TRAK1: variants seen among roughly 807,000 people sequenced by gnomAD.
The protein encoded by TRAK1 is trafficking kinesin-binding protein 1.
Under a neutral mutation model 92.1 loss-of-function variants are expected in TRAK1, and 33 were observed. That is an observed-to-expected ratio of 0.36 (90% CI 0.27 to 0.48). TRAK1 has a LOEUF of 0.48. TRAK1 is among the 20% of genes least tolerant of loss of function. TRAK1 has a pLI of 0.99. For synonymous variants in TRAK1, 521 were observed against 517.3 expected (o/e 1.01, Z -0.10); for missense variants, 1,123 against 1,257.9 (o/e 0.89, Z 1.62).
chr3:42,200,757 G>A (rs1707409444), intron 11 of TRAK1, 61 bp from the exon 12 acceptor site: 1 of 1,562,422 alleles, frequency 6.4e-7, no homozygotes, highest in East Asian at 2.2e-5. Flanking sequence ...ATTTTTGGAG[G>A]GTTAAACTCC....
chr3:42,123,036 G>A (rs562748617), intron 1 of TRAK1, among the ~76,000 whole-genome samples: 2 of 152,218 alleles, frequency 1.3e-5, no homozygotes, highest in East Asian at 3.9e-4. Flanking sequence ...GACTTCCTGA[G>A]TGGAAATGCT....
At chr3:42,047,395 G>C (rs1702797802) in intron 1 of TRAK1, among the ~76,000 whole-genome samples, 1 of 151,170 alleles carries the variant, frequency 6.6e-6, no homozygotes, top group Non-Finnish European at 1.5e-5. Context: ...TGTAGAGATG[G>C]GGTCTTGCTT....
At chr3:42,126,031 A>G (rs1297722258) in intron 2 of TRAK1, among the ~76,000 whole-genome samples, 1 of 151,808 alleles carries the variant, frequency 6.6e-6, no homozygotes, top group African/African-American at 2.4e-5. Flanking sequence ...TTGTATTTTT[A>G]GTAGAGACAG....
At chr3:42,159,237 A>C (rs555775432) in intron 2 of TRAK1, among the ~76,000 whole-genome samples, 21 of 152,302 alleles carry the variant, frequency 1.4e-4, no homozygotes, top group African/African-American at 5.1e-4. Context: ...GCCCCTGCTA[A>C]AATCTCTCTT....
intron 6 of TRAK1, among the ~76,000 whole-genome samples, chr3:42,189,811 G>A (rs1034124882): frequency 1.3e-5 from 2 of 152,186 alleles, no homozygotes; most frequent in Non-Finnish European, 2.9e-5. Flanking sequence ...GGTTACAGGC[G>A]TGAGCCACCG....
chr3:42,139,778 C>T lies in TRAK1; in HGVS notation c.286+14164C>T, dbSNP rs185888821. ...CAGCATATCTAAGACAAAGCTGGAACGGACTCAGGTGGGAAATTGACATGA... is the reference window on the plus strand; with the variant it reads ...CAGCATATCTAAGACAAAGCTGGAATGGACTCAGGTGGGAAATTGACATGA... On this transcript the variant is annotated intron_variant, in intron 2 of 15. Transcript: ENST00000327628. Among the ~76,000 whole-genome samples, 132 of 152,218 alleles carry T rather than the reference C, an allele frequency of 8.7e-4. 1 individual carries two copies. In the South Asian group the frequency reaches 0.011, roughly 12 times the overall value.
chr3:42,194,300 A>T (rs1706267892), intron 9 of TRAK1, among the ~76,000 whole-genome samples: 1 of 152,112 alleles, frequency 6.6e-6, no homozygotes. Context: ...GCTGGAGTAC[A>T]GTGGCATGAG....
At chr3:42,015,617 A>G (rs1202090833) in intron 1 of TRAK1, among the ~76,000 whole-genome samples, 1 of 152,198 alleles carries the variant, frequency 6.6e-6, no homozygotes, top group Non-Finnish European at 1.5e-5. Context: ...GAGCGTTTTC[A>G]GGTCTCCTTC....
At chr3:42,118,547 G>T (rs1362872288) in intron 1 of TRAK1, among the ~76,000 whole-genome samples, 1 of 152,238 alleles carries the variant, frequency 6.6e-6, no homozygotes, top group Non-Finnish European at 1.5e-5. Context: ...TCCCTAGACG[G>T]AGGAGTCTCC....
At chr3:42,092,856 G>A (rs1236097996) in intron 1 of TRAK1, among the ~76,000 whole-genome samples, 1 of 152,102 alleles carries the variant, frequency 6.6e-6, no homozygotes, top group Non-Finnish European at 1.5e-5. Flanking sequence ...AAAGTGCTGG[G>A]ATTACAGGCG....
chr3:42,067,102 C>T (rs906856646), intron 1 of TRAK1, among the ~76,000 whole-genome samples: 12 of 152,166 alleles, frequency 7.9e-5, no homozygotes, highest in African/African-American at 1.7e-4. Context: ...GTTAGTGCTT[C>T]GTAGAGAATT....
intron 2 of TRAK1, among the ~76,000 whole-genome samples, chr3:42,148,252 G>A (rs940287973): frequency 2.6e-5 from 4 of 152,100 alleles, no homozygotes; most frequent in African/African-American, 9.7e-5. Context: ...GCGTTTAGTG[G>A]GTAGGCACCA....
intron 15 of TRAK1, among the ~76,000 whole-genome samples, chr3:42,221,559 TC>T (rs1486250508): frequency 6.6e-6 from 1 of 152,090 alleles, no homozygotes; most frequent in Non-Finnish European, 1.5e-5. Flanking sequence ...TCCCATTCCC[TC>T]CTTTGGTGCC....
At chr3:42,089,680 C>CCCG (rs1553711853), upstream of TRAK1, among the ~76,000 whole-genome samples, 1 of 150,140 alleles carries the variant, frequency 6.7e-6, no homozygotes, top group Non-Finnish European at 1.5e-5. Context: ...TTGTGACCCC[C>CCCG]CCCCAATACA....
chr3:42,189,268 C>G lies in TRAK1; in HGVS notation c.690+144C>G, dbSNP rs994556363. On this transcript the variant is annotated intron_variant, in intron 6 of 15. Coordinates refer to ENST00000327628, the MANE Select transcript of TRAK1 (RefSeq NM_001042646.3). ...TACCAGGCGCTCGGCAGATGTGCCTCCTCTATGCTCTGGGCACTGCCTTCC... is the reference window on the plus strand; with the variant it reads ...TACCAGGCGCTCGGCAGATGTGCCTGCTCTATGCTCTGGGCACTGCCTTCC... 4 of 635,856 alleles carry G rather than the reference C, an allele frequency of 6.3e-6. No individual in the cohort carries two copies. The African/African-American group carries it at 7.3e-5, about 12-fold the overall frequency. 39.4% of individuals were successfully genotyped at this position (635,856 alleles called of 1,614,324 possible). A position where few individuals can be genotyped will look rare whatever the true frequency, so the allele number is the denominator to read the frequency against.
At chr3:42,019,318 TG>T (rs1701647757) in intron 1 of TRAK1, among the ~76,000 whole-genome samples, 1 of 152,184 alleles carries the variant, frequency 6.6e-6, no homozygotes, top group Non-Finnish European at 1.5e-5. Flanking sequence ...CTCTGTTGCC[TG>T]GGCTGAAGTG....
intron 1 of TRAK1, among the ~76,000 whole-genome samples, chr3:42,109,557 ATGAC>A (rs997825832): frequency 3.3e-5 from 5 of 152,240 alleles, no homozygotes; most frequent in South Asian, 2.1e-4. Context: ...TATAAGGAAA[ATGAC>A]TGATCGCTTT....
intron 14 of TRAK1, chr3:42,211,412 A>G (rs757569665): frequency 3.8e-5 from 37 of 985,178 alleles, no homozygotes; most frequent in Middle Eastern, 5.2e-4. Context: ...CTTGTGAGGG[A>G]ATGAAAATGT....
intron 1 of TRAK1, among the ~76,000 whole-genome samples, chr3:42,072,380 G>C (rs1055389507): frequency 3.4e-5 from 5 of 145,826 alleles, no homozygotes; most frequent in Admixed American, 1.3e-4. Context: ...AGCTCTGCTC[G>C]TAAAGGTTCC....
Sources: gnomAD v4.1 joint callset for allele counts (sites outside exome capture counted in the v4.1 genomes callset) on GRCh38, gnomAD v4.1.1 for gene constraint, MANE v1.5 for transcripts, NCBI Gene and HGNC (gene_info 2026-07-23, HGNC 2026-07-21) for gene names.